ARHGAP15: variants seen among roughly 807,000 people sequenced by gnomAD.
ARHGAP15 encodes rho GTPase-activating protein 15.
In ARHGAP15, 51 loss-of-function variants were observed where a neutral mutation model predicts 63.7. That is an observed-to-expected ratio of 0.80 (90% CI 0.64 to 1.01). The LOEUF is 1.01. ARHGAP15 is among the 50% of genes least tolerant of loss of function. ARHGAP15 has a pLI of 0.00. For synonymous variants in ARHGAP15, 191 were observed against 193.8 expected (o/e 0.99, Z 0.12); for missense variants, 560 against 564.6 (o/e 0.99, Z 0.08).
intron 6 of ARHGAP15, chr2:143,435,240 G>T: frequency 1.0e-6 from 1 of 994,374 alleles, no homozygotes; most frequent in Non-Finnish European, 1.2e-6. Flanking sequence ...CAAACGTGCA[G>T]AATGAATTCT....
chr2:143,306,293 C>T (rs533087244), intron 6 of ARHGAP15, among the ~76,000 whole-genome samples: 7 of 152,090 alleles, frequency 4.6e-5, no homozygotes, highest in African/African-American at 1.4e-4. Flanking sequence ...CTACAGTGTT[C>T]GGATTTGTAG....
At chr2:143,226,787 G>A (rs1048201923) in intron 4 of ARHGAP15, among the ~76,000 whole-genome samples, 1 of 152,192 alleles carries the variant, frequency 6.6e-6, no homozygotes, top group African/African-American at 2.4e-5. Context: ...TGCTTCTTGT[G>A]TGTCTGCTTA....
intron 12 of ARHGAP15, among the ~76,000 whole-genome samples, chr2:143,694,437 G>A (rs907517836): frequency 6.6e-6 from 1 of 152,138 alleles, no homozygotes; most frequent in East Asian, 1.9e-4. Context: ...TGCAGGTAAC[G>A]GCTTTACAAA....
At chr2:143,435,819 G>C in intron 7 of ARHGAP15, 120 bp downstream of exon 7, 1 of 1,002,304 alleles carries the variant, frequency 1.0e-6, no homozygotes, top group Non-Finnish European at 1.4e-6. Flanking sequence ...GAGGGATTAA[G>C]TTCTTTTAGT....
intron 6 of ARHGAP15, among the ~76,000 whole-genome samples, chr2:143,336,319 G>A (rs1038844051): frequency 6.6e-6 from 1 of 152,162 alleles, no homozygotes; most frequent in Non-Finnish European, 1.5e-5. Flanking sequence ...AGAGGCAGAT[G>A]AGTGATAGAG....
At chr2:143,301,592 T>C (rs9287350) in intron 6 of ARHGAP15, among the ~76,000 whole-genome samples, 126,515 of 151,820 alleles carry the variant, frequency 0.83, 52,986 homozygotes, top group African/African-American at 0.91. Context: ...TTTTTAAGCG[T>C]GAAACTTTCA....
chr2:143,315,627 A>C (rs1298005480), intron 6 of ARHGAP15, among the ~76,000 whole-genome samples: 2 of 152,218 alleles, frequency 1.3e-5, no homozygotes, highest in Non-Finnish European at 2.9e-5. Context: ...TACTAGCCAG[A>C]AATAACAGTT....
At chr2:143,513,996 T>C (rs1693696629) in intron 9 of ARHGAP15, among the ~76,000 whole-genome samples, 1 of 152,212 alleles carries the variant, frequency 6.6e-6, no homozygotes, top group Admixed American at 6.5e-5. Flanking sequence ...GGATTGCAGG[T>C]GCATGTGAGA....
chr2:143,689,081 T>C (rs777327780), intron 12 of ARHGAP15, among the ~76,000 whole-genome samples: 10 of 152,166 alleles, frequency 6.6e-5, no homozygotes, highest in Non-Finnish European at 1.2e-4. Flanking sequence ...GATAATCTCT[T>C]CATTCTTTGA....
intron 1 of ARHGAP15, among the ~76,000 whole-genome samples, chr2:143,144,800 A>G (rs927996934): frequency 2.0e-5 from 3 of 152,086 alleles, no homozygotes; most frequent in Non-Finnish European, 4.4e-5. Context: ...AATTAATTAG[A>G]GCAGTAATAT....
chr2:143,608,005 A>T (rs1698107449), intron 11 of ARHGAP15: 1 of 152,164 alleles, frequency 6.6e-6, no homozygotes, highest in South Asian at 2.1e-4. Context: ...TCCTCTGTGG[A>T]TAGAGCAAGG....
At chr2:143,153,873 T>TCCTCCTCTTCC (rs1689967986) in intron 1 of ARHGAP15, among the ~76,000 whole-genome samples, 11 of 46,896 alleles carry the variant, frequency 2.3e-4, no homozygotes, top group East Asian at 6.5e-4. Context: ...CCTCCTCCTC[T>TCCTCCTCTTCC]TCCTCCTCCT....
intron 13 of ARHGAP15, among the ~76,000 whole-genome samples, chr2:143,754,382 C>T (rs1375213233): frequency 6.6e-6 from 1 of 152,116 alleles, no homozygotes; most frequent in African/African-American, 2.4e-5. Flanking sequence ...GTTTTTCCCA[C>T]CTCTGCAGGC....
intron 6 of ARHGAP15, among the ~76,000 whole-genome samples, chr2:143,408,251 C>T (rs1040560250): frequency 6.7e-6 from 1 of 149,466 alleles, no homozygotes; most frequent in African/African-American, 2.4e-5. Context: ...TCCTTTTCTT[C>T]TCTCTTTTCA....
intron 1 of ARHGAP15, among the ~76,000 whole-genome samples, chr2:143,139,974 T>A (rs2104987529): frequency 6.6e-6 from 1 of 152,262 alleles, no homozygotes; most frequent in Admixed American, 6.5e-5. Context: ...AAATGATGTA[T>A]GTAAAGATGT....
At chr2:143,319,526 C>T (rs907257446) in intron 6 of ARHGAP15, among the ~76,000 whole-genome samples, 3 of 152,016 alleles carry the variant, frequency 2.0e-5, no homozygotes, top group Non-Finnish European at 4.4e-5. Flanking sequence ...CTGGCCAGGT[C>T]CCACTTTTAT....
At chr2:143,159,733 A>T (rs1446941161) in intron 2 of ARHGAP15, among the ~76,000 whole-genome samples, 1 of 151,940 alleles carries the variant, frequency 6.6e-6, no homozygotes, top group East Asian at 1.9e-4. Flanking sequence ...GGCTTACAGG[A>T]TTATAGGATT....
intron 2 of ARHGAP15, among the ~76,000 whole-genome samples, chr2:143,182,515 G>A (rs1691280824): frequency 6.6e-6 from 1 of 152,122 alleles, no homozygotes; most frequent in African/African-American, 2.4e-5. Flanking sequence ...TGGGTGGTGG[G>A]GAGGAAAAGA....
At chr2:143,616,427 C>G (rs2105227580) in intron 11 of ARHGAP15, among the ~76,000 whole-genome samples, 1 of 152,240 alleles carries the variant, frequency 6.6e-6, no homozygotes, top group East Asian at 1.9e-4. Flanking sequence ...AAGAGAGTAA[C>G]TAAAGATATT....
Sources: allele counts gnomAD v4.1 joint callset (sites outside exome capture counted in the v4.1 genomes callset), GRCh38; gene constraint gnomAD v4.1.1; transcripts MANE v1.5; gene names NCBI Gene and HGNC (gene_info 2026-07-23, HGNC 2026-07-21).